CTIF: variants seen among roughly 807,000 people sequenced by gnomAD.
The protein encoded by CTIF is CBP80/20-dependent translation initiation factor.
In CTIF, 21 loss-of-function variants were observed where a neutral mutation model predicts 66.0. That is an observed-to-expected ratio of 0.32 (90% CI 0.23 to 0.46). CTIF has a LOEUF of 0.46. Among genes scored for constraint, CTIF ranks in the 20% least tolerant of loss-of-function variants. CTIF has a pLI of 1.00. For missense variants in CTIF, 739 were observed against 812.7 expected (o/e 0.91, Z 1.10); for synonymous variants, 345 against 326.4 (o/e 1.06, Z -0.62).
chr18:48,737,475 G>T (rs2092513431), intron 7 of CTIF, among the ~76,000 whole-genome samples: 1 of 152,234 alleles, frequency 6.6e-6, no homozygotes, highest in African/African-American at 2.4e-5. Context: ...ACCCAGAGTG[G>T]TAGGCCTTGC....
chr18:48,811,855 A>G (rs759826223), intron 9 of CTIF, among the ~76,000 whole-genome samples: 3 of 152,248 alleles, frequency 2.0e-5, no homozygotes, highest in Non-Finnish European at 2.9e-5. Flanking sequence ...GTAATGCTAC[A>G]TACTGACATC....
chr18:48,624,791 CT>C (rs2090564893), intron 2 of CTIF, among the ~76,000 whole-genome samples: 1 of 152,184 alleles, frequency 6.6e-6, no homozygotes, highest in African/African-American at 2.4e-5. Flanking sequence ...CCGATCCAGT[CT>C]CTTGGAAAGA....
In CTIF at chr18:48,743,782, AT is replaced by A. The variant is rs372611886; in HGVS notation, c.585-14127del. Reference sequence around the variant, plus strand: ...TTATCTGGTAGTACCAAAAATAACAATTTTTTTTTTAACACTTAAGAGTGTT... The same window carrying A: ...TTATCTGGTAGTACCAAAAATAACAATTTTTTTTTAACACTTAAGAGTGTT... On this transcript the variant is annotated intron_variant, in intron 7 of 11. Transcript: ENST00000256413. 6.3e-3 allele frequency among the ~76,000 whole-genome samples: 955 copies of A among 151,024 alleles called. 7 individuals are homozygous for A. The highest frequency in any genetic ancestry group is 0.017 in the African/African-American group (718 of 41,192).
chr18:48,677,322 C>T (rs1470731044), intron 6 of CTIF, among the ~76,000 whole-genome samples: 3 of 152,192 alleles, frequency 2.0e-5, no homozygotes, highest in Non-Finnish European at 2.9e-5. Flanking sequence ...GCCAACATTA[C>T]GGATCAGGCA....
At chr18:48,802,021 A>G (rs965626222) in intron 9 of CTIF, among the ~76,000 whole-genome samples, 10 of 152,210 alleles carry the variant, frequency 6.6e-5, no homozygotes, top group Admixed American at 4.6e-4. Context: ...GGGTTATTAC[A>G]CCTGTTTGCG....
intron 1 of CTIF, among the ~76,000 whole-genome samples, chr18:48,574,726 A>G (rs979015791): frequency 8.5e-5 from 13 of 152,164 alleles, no homozygotes; most frequent in African/African-American, 2.9e-4. Context: ...CCAGCCACAC[A>G]CTGGGAAGTG....
At chr18:48,719,022 G>A (rs1356613490) in intron 7 of CTIF, among the ~76,000 whole-genome samples, 2 of 152,138 alleles carry the variant, frequency 1.3e-5, no homozygotes, top group African/African-American at 2.4e-5. Flanking sequence ...AGTGGGAGAG[G>A]TCTGCTTTCT....
At chr18:48,559,295 C>T (rs980447882) in intron 1 of CTIF, among the ~76,000 whole-genome samples, 1 of 152,000 alleles carries the variant, frequency 6.6e-6, no homozygotes, top group African/African-American at 2.4e-5. Flanking sequence ...CTAGTTTTCC[C>T]CGAATATCTT....
intron 10 of CTIF, among the ~76,000 whole-genome samples, chr18:48,851,548 ATAT>A (rs1205406328): frequency 2.0e-5 from 3 of 152,076 alleles, no homozygotes; most frequent in Non-Finnish European, 2.9e-5. Flanking sequence ...GAAATTTCTC[ATAT>A]TATTACTTCA....
At chr18:48,656,226 G>A (rs2091245336) in intron 3 of CTIF, among the ~76,000 whole-genome samples, 1 of 152,248 alleles carries the variant, frequency 6.6e-6, no homozygotes, top group Admixed American at 6.5e-5. Flanking sequence ...TCTGCAGTGG[G>A]TTCAGTTTAC....
chr18:48,729,246 T>G (rs2092415004), intron 7 of CTIF, among the ~76,000 whole-genome samples: 1 of 152,030 alleles, frequency 6.6e-6, no homozygotes, highest in Non-Finnish European at 1.5e-5. Context: ...AAAAGGAAAC[T>G]TTCCAAGATA....
intron 10 of CTIF, among the ~76,000 whole-genome samples, chr18:48,837,150 G>A (rs1476367216): frequency 6.6e-6 from 1 of 152,110 alleles, no homozygotes; most frequent in Non-Finnish European, 1.5e-5. Flanking sequence ...GGGCTGGGGG[G>A]TCTCCTTTCC....
intron 10 of CTIF, among the ~76,000 whole-genome samples, chr18:48,827,144 G>C (rs1441955082): frequency 6.6e-6 from 1 of 152,154 alleles, no homozygotes; most frequent in Non-Finnish European, 1.5e-5. Flanking sequence ...AGTGAATGCA[G>C]GATGACTCCA....
chr18:48,837,140 G>T (rs2068829974), intron 10 of CTIF, among the ~76,000 whole-genome samples: 1 of 152,186 alleles, frequency 6.6e-6, no homozygotes, highest in Non-Finnish European at 1.5e-5. Context: ...CAATGCCCAG[G>T]GGCTGGGGGG....
intron 6 of CTIF, among the ~76,000 whole-genome samples, chr18:48,677,143 G>A (rs373741563): frequency 6.6e-6 from 1 of 152,120 alleles, no homozygotes. Context: ...GAAACTTCTA[G>A]GACATGCTAA....
At chr18:48,763,334 G>A (rs528885432) in intron 9 of CTIF, among the ~76,000 whole-genome samples, 2 of 152,356 alleles carry the variant, frequency 1.3e-5, no homozygotes, top group East Asian at 3.9e-4. Context: ...TCTCAGATCG[G>A]GTATTTCTTC....
chr18:48,621,159 CTG>C (rs956476052), intron 2 of CTIF, among the ~76,000 whole-genome samples: 3 of 152,050 alleles, frequency 2.0e-5, no homozygotes, highest in African/African-American at 7.3e-5. Context: ...CCCTCATGGA[CTG>C]TGTATTCTAC....
chr18:48,787,372 C>CAGGAGGAAGGGAGAGA (rs1191673953), intron 9 of CTIF, among the ~76,000 whole-genome samples: 12 of 151,856 alleles, frequency 7.9e-5, no homozygotes, highest in Admixed American at 7.9e-4. Context: ...GGAAGGAGGG[C>CAGGAGGAAGGGAGAGA]AGGAGGAAGG....
chr18:48,617,455 G>A (rs1166130746), intron 1 of CTIF, among the ~76,000 whole-genome samples: 2 of 152,194 alleles, frequency 1.3e-5, no homozygotes, highest in Non-Finnish European at 1.5e-5. Context: ...GGGAGAGGGT[G>A]TATACCCATG....
Sources: allele counts gnomAD v4.1 joint callset (sites outside exome capture counted in the v4.1 genomes callset), GRCh38; gene constraint gnomAD v4.1.1; transcripts MANE v1.5; gene names NCBI Gene and HGNC (gene_info 2026-07-23, HGNC 2026-07-21).